Variants in DSE observed in about 807,000 individuals in gnomAD.
DSE encodes the protein dermatan-sulfate epimerase.
In DSE, 36 loss-of-function variants were observed where a neutral mutation model predicts 84.4. That is an observed-to-expected ratio of 0.43 (90% confidence interval 0.33 to 0.56). The LOEUF (loss-of-function observed/expected upper bound fraction) is 0.56. Among genes scored for constraint, DSE ranks in the 20% least tolerant of loss-of-function variants. The pLI, the probability that DSE is intolerant of heterozygous loss-of-function variation, is 0.06. For missense variants in DSE, 862 were observed against 1,169.6 expected, an observed-to-expected ratio of 0.74 and a Z score of 3.84; for synonymous variants, 410 against 430.1, an observed-to-expected ratio of 0.95 and a Z score of 0.58.
intron 2 of DSE, among the ~76,000 whole-genome samples, chr6:116,403,595 A>G (rs1781735342): frequency 6.6e-6 from 1 of 152,222 alleles, no homozygotes; most frequent in Non-Finnish European, 1.5e-5. Context: ...GGAATGTGAC[A>G]GTTGCTAAAA....
At chr6:116,273,079 G>A (rs1378847836) in intron 2 of DSE, among the ~76,000 whole-genome samples, 1 of 152,126 alleles carries the variant, frequency 6.6e-6, no homozygotes, top group African/African-American at 2.4e-5. Context: ...TATGGATAAG[G>A]AAACCAAGAT....
chr6:116,274,247 C>T (rs182454561), intron 2 of DSE, among the ~76,000 whole-genome samples: 26 of 152,168 alleles, frequency 1.7e-4, no homozygotes, highest in African/African-American at 6.3e-4. Context: ...TTCTGAACAT[C>T]ATGTACATTT....
chr6:116,310,513 C>G (rs1775630104), intron 2 of DSE, among the ~76,000 whole-genome samples: 1 of 152,144 alleles, frequency 6.6e-6, no homozygotes, highest in Non-Finnish European at 1.5e-5. Context: ...TACTCCTACT[C>G]CAGTTTTCCT....
chr6:116,335,961 G>T lies in DSE; in HGVS notation c.-53-63237G>T, dbSNP rs145840849. On this transcript the variant is annotated intron_variant, in intron 2 of 3. Coordinates refer to the DSE transcript ENST00000430252. ...TGCATGAGTGACACTATTTTGGTCT[G>T]GTCTGGTCTGTGGGAGTCTGGTGCA... Among the ~76,000 whole-genome samples, 484 of 152,272 alleles carry T rather than the reference G, an allele frequency of 3.2e-3. 5 individuals carry two copies. Among genetic ancestry groups the T allele is most frequent in the African/African-American group, 0.011 (446 of 41,544 alleles).
At chr6:116,258,182 AT>A (rs112203736) in intron 1 of DSE, among the ~76,000 whole-genome samples, 228 of 144,438 alleles carry the variant, frequency 1.6e-3, no homozygotes, top group African/African-American at 1.4e-3. Flanking sequence ...TGCCCGGCTA[AT>A]TTTTTTTTTT....
intron 2 of DSE, among the ~76,000 whole-genome samples, chr6:116,261,005 C>G (rs762759129): frequency 3.9e-5 from 6 of 152,018 alleles, no homozygotes; most frequent in Non-Finnish European, 7.4e-5. Flanking sequence ...AATAGTTTTT[C>G]TAGTTCTGTG....
Position 116,436,127 on chromosome 6 carries a change from T to A in DSE, c.1659T>A (p.Asn553Lys), listed in dbSNP as rs1283764360. 1 of 1,612,828 alleles carries A rather than the reference T, an allele frequency of 6.2e-7. No individual in the cohort carries two copies. Among genetic ancestry groups the A allele is most frequent in the African/African-American group, 1.3e-5 (1 of 74,876 alleles). Reference protein sequence around the residue: ...GAYNPQLNLKNVQRNLILLHP... With the variant: ...GAYNPQLNLKKVQRNLILLHP... ...ATAACCCCCAGCTCAACCTGAAGAATGTTCAGAGGAATCTCATCCTCCTAC... is the reference window on the plus strand; with the variant it reads ...ATAACCCCCAGCTCAACCTGAAGAAAGTTCAGAGGAATCTCATCCTCCTAC... The change falls in exon 6 of 6, where the codon AAT becomes AAA. Residue 553 changes from asparagine (N) to lysine (K), a missense_variant. Asn to Lys is a moderately conservative substitution (Grantham distance 94). Transcript: ENST00000644252.
At chr6:116,282,527 A>G (rs1367750455) in intron 2 of DSE, among the ~76,000 whole-genome samples, 1 of 152,168 alleles carries the variant, frequency 6.6e-6, no homozygotes, top group Non-Finnish European at 1.5e-5. Flanking sequence ...GCTGAATGTA[A>G]TTTCCCCCAA....
At chr6:116,342,869 AGGGGTCAGGG>A (rs1199475988) in intron 2 of DSE, among the ~76,000 whole-genome samples, 2 of 152,136 alleles carry the variant, frequency 1.3e-5, no homozygotes, top group African/African-American at 4.8e-5. Context: ...GGGAAGCGCA[AGGGGTCAGGG>A]AATTCCCTTT....
intron 1 of DSE, among the ~76,000 whole-genome samples, chr6:116,385,777 A>C (rs1260854853): frequency 6.6e-6 from 1 of 151,340 alleles, no homozygotes; most frequent in African/African-American, 2.4e-5. Context: ...AATCAAAATA[A>C]GTACATATAA....
At chr6:116,254,445 C>G (rs1772060043) in intron 1 of DSE, 1 of 348,788 alleles carries the variant, frequency 2.9e-6, no homozygotes. Flanking sequence ...AGTGGATTCA[C>G]GAACTCACAG....
chr6:116,373,641 C>T (rs985735553), intron 1 of DSE, among the ~76,000 whole-genome samples: 1 of 152,132 alleles, frequency 6.6e-6, no homozygotes, highest in Non-Finnish European at 1.5e-5. Flanking sequence ...ATGGGCTGTC[C>T]GGTTCAATAT....
intron 2 of DSE, among the ~76,000 whole-genome samples, chr6:116,413,789 T>C (rs1207674064): frequency 6.6e-6 from 1 of 152,206 alleles, no homozygotes; most frequent in East Asian, 1.9e-4. Flanking sequence ...CAAAATATCA[T>C]TTCACGTATG....
At chr6:116,370,209 A>C (rs940048593), upstream of DSE, 26 of 250,542 alleles carry the variant, frequency 1.0e-4, no homozygotes, top group African/African-American at 4.0e-4. Flanking sequence ...ACACACACAC[A>C]CCCCCCCACC....
At chr6:116,413,730 T>G (rs544721641) in intron 2 of DSE, among the ~76,000 whole-genome samples, 4 of 152,268 alleles carry the variant, frequency 2.6e-5, no homozygotes, top group African/African-American at 9.6e-5. Flanking sequence ...CATAAAACAT[T>G]AAAAGCAGAA....
chr6:116,409,802 T>C (rs1191339873), intron 2 of DSE, among the ~76,000 whole-genome samples: 2 of 152,158 alleles, frequency 1.3e-5, no homozygotes, highest in Non-Finnish European at 2.9e-5. Flanking sequence ...TTGCCCAACA[T>C]TGGAGTGTCA....
At chr6:116,281,796 T>C (rs929575535) in intron 2 of DSE, among the ~76,000 whole-genome samples, 1 of 152,220 alleles carries the variant, frequency 6.6e-6, no homozygotes, top group African/African-American at 2.4e-5. Context: ...TGCAACTTGC[T>C]CCTTGCGGAA....
chr6:116,391,625 G>A (rs1780912708), intron 1 of DSE, among the ~76,000 whole-genome samples: 1 of 151,940 alleles, frequency 6.6e-6, no homozygotes, highest in Non-Finnish European at 1.5e-5. Flanking sequence ...AATTAGCTGG[G>A]CGTGGTGGCG....
chr6:116,350,592 G>C (rs964720790), intron 2 of DSE, among the ~76,000 whole-genome samples: 5 of 152,046 alleles, frequency 3.3e-5, no homozygotes, highest in Admixed American at 3.3e-4. Context: ...TGACACAATT[G>C]TCTATTCTTT....
Sources: gnomAD v4.1 joint callset for allele counts (sites outside exome capture counted in the v4.1 genomes callset) on GRCh38, gnomAD v4.1.1 for gene constraint, MANE v1.5 for transcripts, NCBI Gene and HGNC (gene_info 2026-07-23, HGNC 2026-07-21) for gene names.